The following GTF2F2 variants were observed in gnomAD, a reference collection of about 807,000 sequenced individuals.
The protein encoded by GTF2F2 is ATP-dependent helicase GTF2F2.
In GTF2F2, 23 loss-of-function variants were observed where a neutral mutation model predicts 42.2. That is an observed-to-expected ratio of 0.55 (90% CI 0.39 to 0.77). The LOEUF (loss-of-function observed/expected upper bound fraction) is 0.77, where lower values mean the gene tolerates loss of function less well. Ranked by LOEUF, GTF2F2 falls within the 30% of genes least tolerant of loss-of-function variation. The probability of loss-of-function intolerance (pLI) is 0.00; values close to 1 mark genes in which losing one functional copy is unlikely to be tolerated. For missense variants in GTF2F2, 261 were observed against 287.2 expected (o/e 0.91, Z 0.66); for synonymous variants, 105 against 100.8 (o/e 1.04, Z -0.25).
chr13:45,129,168 T>C (rs1328512064), intron 1 of GTF2F2, among the ~76,000 whole-genome samples: 1 of 152,186 alleles, frequency 6.6e-6, no homozygotes, highest in African/African-American at 2.4e-5. Flanking sequence ...TAGGGCAAAG[T>C]AGTAGGTTAG....
intron 4 of GTF2F2, among the ~76,000 whole-genome samples, chr13:45,185,007 G>A (rs960153180): frequency 1.3e-5 from 2 of 151,986 alleles, no homozygotes; most frequent in Non-Finnish European, 2.9e-5. Flanking sequence ...ATTTTTTGTG[G>A]AGACAGGGTT....
chr13:45,277,488 C>G (rs562645462), intron 7 of GTF2F2, among the ~76,000 whole-genome samples: 2 of 152,182 alleles, frequency 1.3e-5, no homozygotes, highest in African/African-American at 4.8e-5. Flanking sequence ...CATGAGAGTT[C>G]CGTCCCCATG....
At chr13:45,224,289 C>T (rs185926981) in intron 5 of GTF2F2, among the ~76,000 whole-genome samples, 131 of 152,308 alleles carry the variant, frequency 8.6e-4, no homozygotes, top group Non-Finnish European at 7.6e-4. Context: ...CAGCCTCTCT[C>T]TTCCTTCTGA....
intron 1 of GTF2F2, chr13:45,123,944 G>T: frequency 1.7e-6 from 1 of 595,152 alleles, no homozygotes; most frequent in South Asian, 1.9e-5. Flanking sequence ...AGTATGGCAG[G>T]GACTCCCCAG....
intron 5 of GTF2F2, among the ~76,000 whole-genome samples, chr13:45,236,552 TAA>T (rs1875000928): frequency 1.3e-5 from 2 of 150,956 alleles, no homozygotes; most frequent in African/African-American, 4.9e-5. Context: ...TCAGTGTAGA[TAA>T]GTGTGGAGTA....
intron 5 of GTF2F2, among the ~76,000 whole-genome samples, chr13:45,240,101 A>ATTTTTTTTTTTTTTTTTTT (rs34744288): frequency 7.7e-5 from 7 of 91,104 alleles, no homozygotes; most frequent in African/African-American, 3.2e-4. Context: ...ATGTAGAGGG[A>ATTTTTTTTTTTTTTTTTTT]TTTTTTTTTT....
At chr13:45,164,832 A>T (rs1871197180) in intron 4 of GTF2F2, among the ~76,000 whole-genome samples, 2 of 152,306 alleles carry the variant, frequency 1.3e-5, no homozygotes, top group Middle Eastern at 6.8e-3. Context: ...TCACAGCAGA[A>T]TGGGAAGGGT....
intron 4 of GTF2F2, among the ~76,000 whole-genome samples, chr13:45,164,784 C>G (rs1871194837): frequency 6.6e-6 from 1 of 152,050 alleles, no homozygotes; most frequent in Admixed American, 6.6e-5. Context: ...TTTGGGGTAC[C>G]CAGTGCTGGT....
intron 4 of GTF2F2, among the ~76,000 whole-genome samples, chr13:45,188,852 T>C (rs1031625076): frequency 6.6e-6 from 1 of 152,154 alleles, no homozygotes; most frequent in South Asian, 2.1e-4. Context: ...GAAAATCTTA[T>C]ATTCACCAGC....
intron 5 of GTF2F2, among the ~76,000 whole-genome samples, chr13:45,250,176 T>C (rs1297445161): frequency 1.3e-5 from 2 of 148,326 alleles, no homozygotes; most frequent in Non-Finnish European, 3.0e-5. Flanking sequence ...AGCCTCAGCC[T>C]CCTGACTAGC....
chr13:45,227,936 G>A (rs2138213270), intron 5 of GTF2F2, among the ~76,000 whole-genome samples: 1 of 152,298 alleles, frequency 6.6e-6, no homozygotes. Flanking sequence ...GGGGACTGAA[G>A]GCTAGAAAAC....
chr13:45,194,231 C>G, intron 4 of GTF2F2: 2 of 1,614,160 alleles, frequency 1.2e-6, no homozygotes, highest in Non-Finnish European at 1.7e-6. Context: ...AATTCTGCTT[C>G]TTGTGCAAGA....
At chr13:45,248,055 G>A (rs937897337) in intron 5 of GTF2F2, among the ~76,000 whole-genome samples, 8 of 152,000 alleles carry the variant, frequency 5.3e-5, no homozygotes, top group Non-Finnish European at 1.2e-4. Flanking sequence ...ATGTTGGCCA[G>A]GCTGGTCTCG....
intron 3 of GTF2F2, among the ~76,000 whole-genome samples, chr13:45,150,107 A>G (rs940092473): frequency 3.3e-5 from 5 of 152,136 alleles, no homozygotes; most frequent in African/African-American, 9.7e-5. Context: ...ATTTTTTGAG[A>G]ACTTTAGATT....
intron 4 of GTF2F2, among the ~76,000 whole-genome samples, chr13:45,203,457 C>T (rs1873294902): frequency 6.6e-6 from 1 of 152,134 alleles, no homozygotes; most frequent in Non-Finnish European, 1.5e-5. Flanking sequence ...GTGAAACTAT[C>T]TAAATGCAGA....
intron 5 of GTF2F2, among the ~76,000 whole-genome samples, chr13:45,214,550 A>G (rs1267082156): frequency 6.6e-6 from 1 of 152,166 alleles, no homozygotes; most frequent in East Asian, 1.9e-4. Context: ...TTTCATATTG[A>G]GAAGAAAAAA....
chr13:45,127,638 G>GTT (rs989683605), intron 1 of GTF2F2, among the ~76,000 whole-genome samples: 1 of 150,178 alleles, frequency 6.7e-6, no homozygotes, highest in African/African-American at 2.4e-5. Context: ...CCCTGGCCTT[G>GTT]TTTTTTTTTG....
At chr13:45,181,193 A>G (rs7320037) in intron 4 of GTF2F2, among the ~76,000 whole-genome samples, 1 of 118,320 alleles carries the variant, frequency 8.5e-6, no homozygotes, top group Non-Finnish European at 1.5e-5. Context: ...AACAAACAAA[A>G]AAAAAAAAAA....
intron 1 of GTF2F2, among the ~76,000 whole-genome samples, chr13:45,125,112 T>C (rs1339866149): frequency 6.6e-6 from 1 of 152,176 alleles, no homozygotes; most frequent in Non-Finnish European, 1.5e-5. Context: ...AAAAGGAACT[T>C]AACATTTCTT....
Sources: gnomAD v4.1 joint callset for allele counts (sites outside exome capture counted in the v4.1 genomes callset) on GRCh38, gnomAD v4.1.1 for gene constraint, MANE v1.5 for transcripts, NCBI Gene and HGNC (gene_info 2026-07-23, HGNC 2026-07-21) for gene names.